SPATA9: variants seen among roughly 807,000 people sequenced by gnomAD.
The protein encoded by SPATA9 is spermatogenesis-associated protein 9.
A neutral mutation model predicts 25.5 loss-of-function variants in SPATA9; 27 were observed. The observed-to-expected ratio is 1.06, with a 90% CI of 0.78 to 1.46. The LOEUF is 1.46. Ranked by LOEUF, SPATA9 falls within the 40% of genes most tolerant of loss-of-function variation. The pLI, the probability that SPATA9 is intolerant of heterozygous loss-of-function variation, is 0.00. For missense variants in SPATA9, 282 were observed against 297.5 expected, an observed-to-expected ratio of 0.95 and a Z score of 0.38; for synonymous variants, 102 against 105.7, an observed-to-expected ratio of 0.97 and a Z score of 0.21.
chr5:95,697,905 G>GA lies in SPATA9; in HGVS notation n.124+682dup, dbSNP rs199565882. 2.0e-3 allele frequency among the ~76,000 whole-genome samples: 286 copies of GA among 139,690 alleles called. 2 individuals carry two copies. Among genetic ancestry groups the GA allele is most frequent in the East Asian group, 0.015 (75 of 4,876 alleles). 91.6% of individuals were successfully genotyped at this position (139,690 alleles called of 152,430 possible). ...ACATTCCATGAAAATGACATTCCAT[G>GA]AAAAAAAAAAAAGCAGCTCACAGCT... On this transcript the variant is annotated intron_variant and non_coding_transcript_variant, in intron 1 of 2. Transcript: ENST00000379990.
the SPATA9 span, chr5:95,731,410 T>C: frequency 1.7e-6 from 2 of 1,186,936 alleles, no homozygotes; most frequent in Non-Finnish European, 1.0e-6. Context: ...CACTTGGGGC[T>C]GTGCGGCGGT....
intron 3 of SPATA9, among the ~76,000 whole-genome samples, chr5:95,666,628 G>A (rs1751831630): frequency 6.6e-6 from 1 of 152,130 alleles, no homozygotes; most frequent in Non-Finnish European, 1.5e-5. Context: ...TAACAAGTAT[G>A]ATTGATTCCA....
At chr5:95,674,716 G>C (rs994732688) in intron 3 of SPATA9, 1 of 455,534 alleles carries the variant, frequency 2.2e-6, no homozygotes, top group African/African-American at 2.0e-5. Context: ...AATCTCAACA[G>C]CTCTGGGTTG....
chr5:95,728,871 G>A, the SPATA9 span, among the ~76,000 whole-genome samples: 1 of 152,168 alleles, frequency 6.6e-6, no homozygotes, highest in African/African-American at 2.4e-5. Context: ...CAAGATGGTG[G>A]TGACAGTGAC....
At chr5:95,674,998 A>G (rs73149630) in intron 3 of SPATA9, among the ~76,000 whole-genome samples, 1 of 152,226 alleles carries the variant, frequency 6.6e-6, no homozygotes, top group African/African-American at 2.4e-5. Context: ...CACAGCCTCA[A>G]TAAGAATGTA....
chr5:95,729,372 G>C, the SPATA9 span, among the ~76,000 whole-genome samples: 1 of 152,120 alleles, frequency 6.6e-6, no homozygotes, highest in Non-Finnish European at 1.5e-5. Context: ...CACCTATTGA[G>C]TAACTAAGGA....
chr5:95,700,759 A>G (rs908205792), upstream of SPATA9, among the ~76,000 whole-genome samples: 5 of 152,186 alleles, frequency 3.3e-5, no homozygotes, highest in African/African-American at 1.2e-4. Context: ...CTATAGTACA[A>G]TATCAAAACC....
downstream of SPATA9, chr5:95,654,386 A>T: frequency 2.0e-6 from 3 of 1,524,698 alleles, no homozygotes; most frequent in African/African-American, 4.2e-5. Context: ...AATTAAATTT[A>T]TTTTCAGCAA....
the SPATA9 span, among the ~76,000 whole-genome samples, chr5:95,722,539 G>A: frequency 1.3e-3 from 201 of 152,244 alleles, 3 homozygotes; most frequent in Middle Eastern, 0.014. Flanking sequence ...CACCTGGGCT[G>A]CAGTTCAGTG....
chr5:95,656,157 C>T, downstream of SPATA9: 1 of 1,613,992 alleles, frequency 6.2e-7, no homozygotes, highest in South Asian at 1.1e-5. Flanking sequence ...ATCAGCAAAA[C>T]CCAAGTGGTG....
chr5:95,656,020 A>G (rs1750734349), downstream of SPATA9: 2 of 1,604,072 alleles, frequency 1.2e-6, no homozygotes, highest in Non-Finnish European at 1.7e-6. Context: ...ATGTCAGAAT[A>G]TTAAATGAGT....
the SPATA9 span, chr5:95,713,780 T>A: frequency 6.6e-6 from 1 of 151,946 alleles, no homozygotes; most frequent in African/African-American, 2.4e-5. Flanking sequence ...ATTCCAATGT[T>A]TTTTTTTCTT....
the SPATA9 span, among the ~76,000 whole-genome samples, chr5:95,708,282 T>G: frequency 1.3e-5 from 2 of 152,196 alleles, no homozygotes; most frequent in African/African-American, 4.8e-5. Flanking sequence ...AAAGGCCGGA[T>G]TGGCTTGCAT....
At chr5:95,660,148 A>T (rs1751135778) in intron 4 of SPATA9, among the ~76,000 whole-genome samples, 1 of 152,152 alleles carries the variant, frequency 6.6e-6, no homozygotes, top group Admixed American at 6.6e-5. Flanking sequence ...GAAATCCGAG[A>T]TCAAGGCACT....
At chr5:95,731,048 C>G in the SPATA9 span, 1 of 1,032,272 alleles carries the variant, frequency 9.7e-7, no homozygotes. Context: ...GCTCTGGTTA[C>G]GGCCTTGCGA....
At chr5:95,681,466 T>G (rs1753450339) in intron 2 of SPATA9, among the ~76,000 whole-genome samples, 2 of 148,812 alleles carry the variant, frequency 1.3e-5, no homozygotes, top group South Asian at 4.2e-4. Context: ...CCATGAAGCC[T>G]TCTTTGACCT....
At chr5:95,710,634 C>T in the SPATA9 span, among the ~76,000 whole-genome samples, 37 of 152,234 alleles carry the variant, frequency 2.4e-4, no homozygotes, top group Non-Finnish European at 4.7e-4. Context: ...ACAGGTGAAA[C>T]GGCTTTGAGA....
At chr5:95,660,935 C>G (rs1019595634) in intron 4 of SPATA9, among the ~76,000 whole-genome samples, 2 of 150,044 alleles carry the variant, frequency 1.3e-5, no homozygotes, top group Admixed American at 6.7e-5. Context: ...CTCTGGGAAT[C>G]TGCTTCTCTA....
chr5:95,672,828 G>A (rs1210986571), intron 3 of SPATA9, among the ~76,000 whole-genome samples: 3 of 152,072 alleles, frequency 2.0e-5, no homozygotes, highest in African/African-American at 7.3e-5. Context: ...AAATTCAACT[G>A]GAAAGACAGA....
Sources: gnomAD v4.1 joint callset for allele counts (sites outside exome capture counted in the v4.1 genomes callset) on GRCh38, gnomAD v4.1.1 for gene constraint, MANE v1.5 for transcripts, NCBI Gene and HGNC (gene_info 2026-07-23, HGNC 2026-07-21) for gene names.